PLA2G6: variants seen among roughly 807,000 people sequenced by gnomAD.
PLA2G6 encodes 85/88 kDa calcium-independent phospholipase A2.
A neutral mutation model predicts 83.8 loss-of-function variants in PLA2G6; 62 were observed. That is an observed-to-expected ratio of 0.74 (90% CI 0.60 to 0.91). The LOEUF is 0.91. PLA2G6 is among the 40% of genes least tolerant of loss of function. The probability of loss-of-function intolerance (pLI) is 0.00; values close to 1 mark genes in which losing one functional copy is unlikely to be tolerated. For synonymous variants in PLA2G6, 417 were observed against 449.8 expected (o/e 0.93, Z 0.92); for missense variants, 944 against 1,102.0 (o/e 0.86, Z 2.03).
At chr22:38,115,335 G>C (rs958933178) in intron 14 of PLA2G6, among the ~76,000 whole-genome samples, 192 bp downstream of exon 14, 1 of 152,196 alleles carries the variant, frequency 6.6e-6, no homozygotes, top group Non-Finnish European at 1.5e-5. Context: ...ATCCCCCTTA[G>C]CACAGTGCTT....
chr22:38,135,096 G>C lies in PLA2G6; in HGVS notation c.798-12C>G, dbSNP rs774116186. On this transcript the variant is annotated splice_polypyrimidine_tract_variant and intron_variant, in intron 5 of 16. Transcript: ENST00000332509. ...TCATCTCCGCACACCTGGTGAGAGA[G>C]GGGCCCCGGTTGGTGAGCAGAAGCT... 1.2e-6 allele frequency: 2 copies of C among 1,607,786 alleles called. No individual in the cohort carries two copies. Among genetic ancestry groups the C allele is most frequent in the African/African-American group, 2.7e-5 (2 of 74,814 alleles).
intron 7 of PLA2G6, chr22:38,131,817 G>A (rs947777313): frequency 1.5e-5 from 4 of 271,978 alleles, no homozygotes; most frequent in Admixed American, 1.0e-4. Flanking sequence ...GGTGGGGCGC[G>A]GTGGCTCACG....
intron 5 of PLA2G6, 96 bp from the exon 6 acceptor site, chr22:38,135,180 G>C (rs11570666): frequency 7.3e-6 from 6 of 818,638 alleles, no homozygotes; most frequent in South Asian, 4.2e-5. Context: ...TGCTTACAGA[G>C]AGCATCACTG....
At chr22:38,120,652 G>A (rs576672157) in intron 12 of PLA2G6, 107 bp downstream of exon 12, 98 of 1,368,480 alleles carry the variant, frequency 7.2e-5, no homozygotes, top group African/African-American at 5.0e-4. Flanking sequence ...CCCCTCAAGC[G>A]TGGGGCGCTC....
At chr22:38,116,983 A>G (rs1302642191) in intron 12 of PLA2G6, among the ~76,000 whole-genome samples, 1 of 152,024 alleles carries the variant, frequency 6.6e-6, no homozygotes, top group Non-Finnish European at 1.5e-5. Flanking sequence ...AAAGGTATTT[A>G]GAAACCCCGA....
At chr22:38,113,001 G>C in intron 15 of PLA2G6, 1 of 346,978 alleles carries the variant, frequency 2.9e-6, no homozygotes. Flanking sequence ...CTGCCTCTTG[G>C]GCTTAAGCAA....
chr22:38,149,919 A>C (rs1569282908), intron 2 of PLA2G6: 1 of 151,304 alleles, frequency 6.6e-6, no homozygotes, highest in East Asian at 1.9e-4. Flanking sequence ...TAGGCAAAAG[A>C]GTGAAACTCC....
intron 2 of PLA2G6, among the ~76,000 whole-genome samples, chr22:38,161,549 G>A (rs2090012325): frequency 6.6e-6 from 1 of 152,134 alleles, no homozygotes; most frequent in Non-Finnish European, 1.5e-5. Flanking sequence ...AGGGGAAAGT[G>A]TTATGTAGGA....
chr22:38,116,851 CAAAAAAAA>C (rs57712042), intron 12 of PLA2G6, among the ~76,000 whole-genome samples: 1 of 37,644 alleles, frequency 2.7e-5, no homozygotes, highest in African/African-American at 8.7e-5. Context: ...AACTCCGTCT[CAAAAAAAA>C]AAAAAAAAAA....
rs778705470 is a variant in PLA2G6, at chr22:38,112,226, C to T, written c.2356G>A (p.Glu786Lys). The change falls in exon 17 of 17, where the codon GAG becomes AAG. Residue 786 changes from glutamate to lysine, a missense_variant. Transcript: ENST00000332509. ...TCGCGGTGCTCATAGATGTAGACCTCGGTCTCCCAGAGGGCGTTGACCAGC... is the reference window on the plus strand; with the variant it reads ...TCGCGGTGCTCATAGATGTAGACCTTGGTCTCCCAGAGGGCGTTGACCAGC... ...TVLVNALWET[E>K]VYIYEHREEF... The T allele has an allele frequency of 9.3e-6, 15 of 1,612,230 alleles. No individual in the cohort carries two copies. Among genetic ancestry groups the T allele is most frequent in the Admixed American group, 5.0e-5 (3 of 59,774 alleles).
At chr22:38,173,127 G>C (rs2090500184) in intron 1 of PLA2G6, among the ~76,000 whole-genome samples, 2 of 152,304 alleles carry the variant, frequency 1.3e-5, no homozygotes, top group South Asian at 4.1e-4. Context: ...GCTCACACGT[G>C]CTTCCTTCTG....
chr22:38,129,669 C>T, intron 7 of PLA2G6, 107 bp from the exon 8 acceptor site: 3 of 791,702 alleles, frequency 3.8e-6, no homozygotes, highest in South Asian at 1.4e-5. Flanking sequence ...GCGGGCCTCT[C>T]CTCAGCACGG....
intron 12 of PLA2G6, chr22:38,116,438 G>A (rs1569244969): frequency 1.4e-6 from 1 of 698,162 alleles, no homozygotes. Flanking sequence ...GCAAAAGTTG[G>A]TTTTTTTGAA....
chr22:38,181,205 C>T (rs1395681098), intron 1 of PLA2G6, among the ~76,000 whole-genome samples: 1 of 151,794 alleles, frequency 6.6e-6, no homozygotes, highest in African/African-American at 2.4e-5. Flanking sequence ...GGTGGCCAGG[C>T]TGAGGGGAAG....
In PLA2G6 at chr22:38,115,598, G is replaced by T; in HGVS notation, c.1963C>A (p.Leu655Met). The T allele has an allele frequency of 6.2e-7, 1 of 1,613,104 alleles. No individual in the cohort carries two copies. Among genetic ancestry groups the T allele is most frequent in the Non-Finnish European group, 8.5e-7 (1 of 1,179,816 alleles). ...RPNGRFLDGG[L>M]LANNPTLDAM... ...TCCAGCGTGGGGTTGTTGGCCAGCA[G>T]CCCACCGTCCAGGAAGCGCCCATTG... The change falls in exon 14 of 17, where the codon CTG (leucine) becomes ATG (methionine). Residue 655 changes from leucine to methionine, a missense_variant. Transcript: ENST00000332509.
At chr22:38,151,627 A>G (rs2145857735) in intron 2 of PLA2G6, among the ~76,000 whole-genome samples, 1 of 152,310 alleles carries the variant, frequency 6.6e-6, no homozygotes, top group African/African-American at 2.4e-5. Flanking sequence ...GGCAAGTTAA[A>G]TATGTGGGGG....
In PLA2G6 at chr22:38,168,083, C is replaced by G. The variant is rs551592888; in HGVS notation, c.209+1135G>C. 4.2e-5 allele frequency: 7 copies of G among 166,030 alleles called. No homozygotes were observed. The East Asian group carries it at 1.3e-3, about 32-fold the overall frequency. The allele number at this position is 166,030 out of a possible 1,614,324, so 10.3% of individuals were successfully genotyped here. A position where few individuals can be genotyped will look rare whatever the true frequency, so the allele number is the denominator to read the frequency against. ...TGTGATCCACACTGTTTCCTAGGCT[C>G]TCCCTCTGTCACAGCACTCCTCAAG... is the stretch of plus-strand genomic sequence containing the variant. On this transcript the variant is annotated intron_variant, in intron 2 of 16. Coordinates refer to ENST00000332509, the MANE Select transcript of PLA2G6 (RefSeq NM_003560.4).
chr22:38,147,537 C>G (rs1266061347), intron 2 of PLA2G6: 2 of 125,040 alleles, frequency 1.6e-5, no homozygotes, highest in South Asian at 3.2e-4. Flanking sequence ...CCTCCTGAAG[C>G]CTTTTTTTTT....
intron 9 of PLA2G6, chr22:38,127,459 C>T (rs948961028): frequency 3.8e-6 from 5 of 1,330,640 alleles, no homozygotes; most frequent in Non-Finnish European, 5.0e-6. Flanking sequence ...GGGTGACTGC[C>T]TGCAAAATTG....
Sources: allele counts gnomAD v4.1 joint callset (sites outside exome capture counted in the v4.1 genomes callset), GRCh38; gene constraint gnomAD v4.1.1; transcripts MANE v1.5; gene names NCBI Gene and HGNC (gene_info 2026-07-23, HGNC 2026-07-21).